The following SYT2 variants were observed in gnomAD, a reference collection of about 807,000 sequenced individuals.
SYT2 encodes synaptotagmin 2.
SYT2 carries 15 observed loss-of-function variants against 39.9 expected under a neutral mutation model. That is an observed-to-expected ratio of 0.38 (90% CI 0.25 to 0.58). SYT2 has a LOEUF of 0.58. Among genes scored for constraint, SYT2 ranks in the 20% least tolerant of loss-of-function variants. SYT2 has a pLI of 0.70. For synonymous variants in SYT2, 181 were observed against 204.5 expected (o/e 0.89, Z 0.98); for missense variants, 389 against 530.3 (o/e 0.73, Z 2.62).
intron 1 of SYT2, among the ~76,000 whole-genome samples, chr1:202,671,631 C>G (rs1692591840): frequency 6.6e-6 from 1 of 152,184 alleles, no homozygotes; most frequent in Non-Finnish European, 1.5e-5. Flanking sequence ...CCTCCCAGGC[C>G]TAGAGAAACG....
At chr1:202,607,057 A>ATG (rs1690729720) in intron 1 of SYT2, among the ~76,000 whole-genome samples, 1 of 152,166 alleles carries the variant, frequency 6.6e-6, no homozygotes, top group Non-Finnish European at 1.5e-5. Flanking sequence ...CTAGTAAAAC[A>ATG]CTGAGCATAA....
At chr1:202,644,075 G>A (rs555602985) in intron 1 of SYT2, among the ~76,000 whole-genome samples, 1 of 152,334 alleles carries the variant, frequency 6.6e-6, no homozygotes, top group South Asian at 2.1e-4. Context: ...TGCTGGAGGG[G>A]AAGGGGAGCT....
chr1:202,601,951 G>A lies in SYT2; in HGVS notation c.740C>T (p.Thr247Ile), dbSNP rs1690519199. Residue 247 changes from threonine (T) to isoleucine (I), a missense_variant, in exon 6 of 9, where the codon ACA becomes ATA. Thr to Ile is a moderately conservative substitution (Grantham distance 89). This residue lies in a region of SYT2 where 280 missense variants were observed against 335.6 expected (regional missense o/e 0.83). Coordinates refer to ENST00000367268, the MANE Select transcript of SYT2 (RefSeq NM_177402.5). The surrounding 1 kb of genome is among the most constrained non-coding windows in gnomAD (Gnocchi z 4.0). ...IIGEVKVPMN[T>I]VDLGQPIEEW... ...CTCAATGGGCTGGCCGAGGTCCACT[G>A]TGTTCATAGGCACCTTTACCTCTCC... 2.5e-6 allele frequency: 4 copies of A among 1,614,066 alleles called. No individual in the cohort carries two copies. The highest frequency in any genetic ancestry group is 3.4e-6 in the Non-Finnish European group (4 of 1,180,032).
At chr1:202,688,259 G>A (rs551923305) in intron 1 of SYT2, among the ~76,000 whole-genome samples, 1 of 152,308 alleles carries the variant, frequency 6.6e-6, no homozygotes, top group African/African-American at 2.4e-5. Context: ...TAGTGGCTCC[G>A]TCTTTCTCCT....
chr1:202,683,616 C>G (rs1446351149), intron 1 of SYT2, among the ~76,000 whole-genome samples: 1 of 151,938 alleles, frequency 6.6e-6, no homozygotes, highest in Non-Finnish European at 1.5e-5. Context: ...TGGTGCATGC[C>G]TGTGGTCCCA....
rs1345836902 is a variant in SYT2 at position 202,629,809 on chromosome 1, G to A, written c.-17-24020C>T. Among the ~76,000 whole-genome samples the A allele has an allele frequency of 4.2e-5, 6 of 143,794 alleles. No homozygotes were observed. In the East Asian group the frequency reaches 1.3e-3, roughly 31 times the overall value. 94.3% of individuals were successfully genotyped at this position (143,794 alleles called of 152,430 possible). A position where few individuals can be genotyped will look rare whatever the true frequency, so the allele number is the denominator to read the frequency against. On this transcript the variant is annotated intron_variant, in intron 1 of 8. Transcript: ENST00000367268. ...ACTGGAGCCCAGGAGTTTGACATTAGGTAAGACCTAGCCATGCCAGCGGAC... is the reference window on the plus strand; with the variant it reads ...ACTGGAGCCCAGGAGTTTGACATTAAGTAAGACCTAGCCATGCCAGCGGAC...
chr1:202,632,129 G>C, intron 1 of SYT2: 18 of 965,420 alleles, frequency 1.9e-5, no homozygotes, highest in Non-Finnish European at 2.1e-5. Flanking sequence ...AGCTCCCCAG[G>C]GCCTGGAATC....
chr1:202,613,283 G>C (rs1690940933), intron 1 of SYT2, among the ~76,000 whole-genome samples: 2 of 151,942 alleles, frequency 1.3e-5, no homozygotes, highest in South Asian at 4.2e-4. Context: ...GTTCCACCAT[G>C]TTGGCCAGGC....
At chr1:202,634,145 G>A (rs1294236914) in intron 1 of SYT2, among the ~76,000 whole-genome samples, 1 of 152,244 alleles carries the variant, frequency 6.6e-6, no homozygotes, top group African/African-American at 2.4e-5. Flanking sequence ...CTACCTTGTA[G>A]AGTATTGTGA....
At chr1:202,602,621 C>T (rs1019969940) in intron 4 of SYT2, 76 bp from the exon 5 acceptor site, 7 of 1,432,180 alleles carry the variant, frequency 4.9e-6, no homozygotes, top group Non-Finnish European at 6.6e-6. Flanking sequence ...AGACCCAGCA[C>T]CCACCAATTC....
At chr1:202,624,577 G>T (rs1263520378) in intron 1 of SYT2, among the ~76,000 whole-genome samples, 1 of 124,558 alleles carries the variant, frequency 8.0e-6, no homozygotes, top group African/African-American at 3.9e-5. Context: ...AGTGTGTGTG[G>T]TGTGTGATGT....
intron 1 of SYT2, among the ~76,000 whole-genome samples, chr1:202,695,114 AT>A (rs35705401): frequency 6.6e-6 from 1 of 152,120 alleles, no homozygotes; most frequent in Non-Finnish European, 1.5e-5. Context: ...CTTATGAACC[AT>A]TTTTTGAAGG....
At chr1:202,709,093 G>A (rs576309801) in intron 1 of SYT2, among the ~76,000 whole-genome samples, 3 of 68,766 alleles carry the variant, frequency 4.4e-5, no homozygotes, top group Non-Finnish European at 7.7e-5. Context: ...TGGCTTCCTG[G>A]GCGCCCCCAG....
In SYT2 at chr1:202,602,431, T is replaced by C; in HGVS notation, c.580A>G (p.Lys194Glu). 1 of 1,614,200 alleles carries C rather than the reference T, an allele frequency of 6.2e-7. No homozygotes were observed. The highest frequency in any genetic ancestry group is 8.5e-7 in the Non-Finnish European group (1 of 1,180,016). ...LPDKKKKYET[K>E]VHRKTLNPAF... ...GGGTTCAGTGTCTTCCGATGGACTT[T>C]GGTCTCATATTTCTTCTTCTTGTCA... Residue 194 changes from lysine (K) to glutamate (E), a missense_variant, in exon 5 of 9, where the codon AAA becomes GAA. Physicochemically the swap from Lys to Glu is moderately conservative, Grantham distance 56. Transcript: ENST00000367268.
At chr1:202,619,443 G>A (rs1691144834) in intron 1 of SYT2, among the ~76,000 whole-genome samples, 1 of 152,224 alleles carries the variant, frequency 6.6e-6, no homozygotes, top group African/African-American at 2.4e-5. Flanking sequence ...AGGGGTCTGG[G>A]AGGCCCCAAC....
intron 1 of SYT2, among the ~76,000 whole-genome samples, chr1:202,612,852 A>G (rs996874254): frequency 1.3e-5 from 2 of 152,140 alleles, no homozygotes; most frequent in Non-Finnish European, 2.9e-5. Flanking sequence ...CCACTTATTT[A>G]GACCTTTAAT....
intron 1 of SYT2, among the ~76,000 whole-genome samples, chr1:202,670,152 A>G (rs766902954): frequency 1.3e-5 from 2 of 152,164 alleles, no homozygotes; most frequent in Non-Finnish European, 2.9e-5. Context: ...AGGCGTTTTC[A>G]GTGTTTAGGG....
At chr1:202,681,363 C>T (rs185954219) in intron 1 of SYT2, among the ~76,000 whole-genome samples, 8 of 152,300 alleles carry the variant, frequency 5.3e-5, no homozygotes, top group Non-Finnish European at 1.2e-4. Flanking sequence ...CCAGCAGCTG[C>T]GGAGAATCCT....
chr1:202,617,902 T>G (rs1269539500), intron 1 of SYT2, among the ~76,000 whole-genome samples: 2 of 152,194 alleles, frequency 1.3e-5, no homozygotes, highest in Non-Finnish European at 2.9e-5. Context: ...TGTTTACGCA[T>G]TTTTTGTTGT....
Sources: allele counts gnomAD v4.1 joint callset (sites outside exome capture counted in the v4.1 genomes callset), GRCh38; gene constraint gnomAD v4.1.1; regional missense constraint gnomAD v4.1.1; non-coding constraint Gnocchi (gnomAD v3.1); transcripts MANE v1.5; gene names NCBI Gene and HGNC (gene_info 2026-07-23, HGNC 2026-07-21).